Variants in TMEM107 observed in about 807,000 individuals in gnomAD.
TMEM107 encodes transmembrane protein 107.
In TMEM107, 18 loss-of-function variants were observed where a neutral mutation model predicts 16.8. That is an observed-to-expected ratio of 1.07 (90% CI 0.74 to 1.59). The LOEUF (loss-of-function observed/expected upper bound fraction) is 1.59, where lower values mean the gene tolerates loss of function less well. Among genes scored for constraint, TMEM107 ranks in the 40% most tolerant of loss-of-function variants. The probability of loss-of-function intolerance (pLI) is 0.00; values close to 1 mark genes in which losing one functional copy is unlikely to be tolerated. For missense variants in TMEM107, 152 were observed against 175.4 expected (o/e 0.87, Z 0.75); for synonymous variants, 68 against 71.6 (o/e 0.95, Z 0.25).
In TMEM107 at chr17:8,173,526, A is replaced by T; in HGVS notation, c.*677T>A. ...CGTTAATCACGTTTCATGCATCTCC[A>T]ATCATCATGTTCTAATCTGCCCTCC... On this transcript the variant is annotated 3_prime_UTR_variant, in exon 5 of 5. Transcript: ENST00000437139. The T allele has an allele frequency of 1.3e-6, 1 of 765,428 alleles. No individual in the cohort carries two copies. Among genetic ancestry groups the T allele is most frequent in the Non-Finnish European group, 2.4e-6 (1 of 418,036 alleles). 47.4% of individuals were successfully genotyped at this position (765,428 alleles called of 1,614,324 possible). A position where few individuals can be genotyped will look rare whatever the true frequency, so the allele number is the denominator to read the frequency against.
In TMEM107 at chr17:8,174,084, T is replaced by C. The variant is rs1983924488; in HGVS notation, c.*119A>G. 11 of 799,204 alleles carry C rather than the reference T, an allele frequency of 1.4e-5. No homozygotes were observed. The highest frequency in any genetic ancestry group is 7.2e-5 in the South Asian group (5 of 69,734). The allele number at this position is 799,204 out of a possible 1,614,324, so 49.5% of individuals were successfully genotyped here. ...CAAGACGTAATTATTCCAACACATA[T>C]CCTCCAGCAGAAGCAGTTTCCGAGG... On this transcript the variant is annotated 3_prime_UTR_variant, in exon 5 of 5. Transcript: ENST00000437139.
chr17:8,175,459 C>A, intron 3 of TMEM107: 3 of 593,020 alleles, frequency 5.1e-6, no homozygotes, highest in Admixed American at 3.0e-5. Context: ...TAAAAAGAAA[C>A]GGTGGGGTTT....
chr17:8,173,310 T>G lies in TMEM107; in HGVS notation c.*893A>C, dbSNP rs114256024. The G allele has an allele frequency of 3.7e-6, 2 of 537,710 alleles. No homozygotes were observed. Among genetic ancestry groups the G allele is most frequent in the South Asian group, 2.9e-5 (1 of 34,872 alleles). 33.3% of individuals were successfully genotyped at this position (537,710 alleles called of 1,614,324 possible). ...CACAATTTTCAAGAACAAACAAATT[T>G]AGCAAGACTGCAAAATAGACAAACA... On this transcript the variant is annotated 3_prime_UTR_variant, in exon 5 of 5. Coordinates refer to ENST00000437139, the MANE Select transcript of TMEM107 (RefSeq NM_183065.4).
rs1456799156 is a variant in TMEM107 at position 8,173,279 on chromosome 17, C to A, written c.*924G>T. The A allele has an allele frequency of 3.8e-6, 2 of 526,804 alleles. No homozygotes were observed. Among genetic ancestry groups the A allele is most frequent in the Non-Finnish European group, 3.4e-6 (1 of 294,076 alleles). The allele number at this position is 526,804 out of a possible 1,614,324, so 32.6% of individuals were successfully genotyped here. On this transcript the variant is annotated 3_prime_UTR_variant, in exon 5 of 5. Transcript: ENST00000437139. ...CCTAAATTCCAGAAAGCAACAAAAA[C>A]CAAATCACAATTTTCAAGAACAAAC...
Position 8,173,584 on chromosome 17 carries a change from A to G in TMEM107, c.*619T>C, listed in dbSNP as rs539989837. On this transcript the variant is annotated 3_prime_UTR_variant, in exon 5 of 5. Coordinates refer to ENST00000437139, the MANE Select transcript of TMEM107 (RefSeq NM_183065.4). Reference sequence around the variant, plus strand: ...GAACAGGTAAGGATTATCCCACCTGACGATACAGACAAACAGCCGACATTC... The same window carrying G: ...GAACAGGTAAGGATTATCCCACCTGGCGATACAGACAAACAGCCGACATTC... 5.5e-5 allele frequency: 42 copies of G among 764,300 alleles called. No individual in the cohort carries two copies. Among genetic ancestry groups the G allele is most frequent in the African/African-American group, 8.5e-5 (5 of 59,120 alleles). The allele number at this position is 764,300 out of a possible 1,614,324, so 47.3% of individuals were successfully genotyped here.
At position 8,173,380 on chromosome 17, in the gene TMEM107, G is replaced by C. The variant is rs751884563; in HGVS notation, c.*823C>G. The C allele has an allele frequency of 4.1e-5, 28 of 682,506 alleles. No individual in the cohort carries two copies. Among genetic ancestry groups the C allele is most frequent in the South Asian group, 1.1e-4 (7 of 62,880 alleles). The allele number at this position is 682,506 out of a possible 1,614,324, so 42.3% of individuals were successfully genotyped here. ...ATAGACAAACAGCAAGGTTATCCCAGTCAGAACTTCATAGCTATGTTTGTG... is the reference window on the plus strand; with the variant it reads ...ATAGACAAACAGCAAGGTTATCCCACTCAGAACTTCATAGCTATGTTTGTG... On this transcript the variant is annotated 3_prime_UTR_variant, in exon 5 of 5. Transcript: ENST00000437139.
rs1983897885 is a variant in TMEM107, at chr17:8,173,796, T to C, written c.*407A>G. On this transcript the variant is annotated 3_prime_UTR_variant, in exon 5 of 5. Transcript: ENST00000437139. Reference sequence around the variant, plus strand: ...TTCTTCCCAGAATGCTCCGATCAGTTACGTGCCGGACGTTCTAACTGTACG... The same window carrying C: ...TTCTTCCCAGAATGCTCCGATCAGTCACGTGCCGGACGTTCTAACTGTACG... The C allele has an allele frequency of 1.9e-6, 1 of 534,074 alleles. No homozygotes were observed. Among genetic ancestry groups the C allele is most frequent in the South Asian group, 2.4e-5 (1 of 41,576 alleles). 33.1% of individuals were successfully genotyped at this position (534,074 alleles called of 1,614,324 possible).
In TMEM107 at chr17:8,173,581, C is replaced by T. The variant is rs201266955; in HGVS notation, c.*622G>A. ...GAGGAACAGGTAAGGATTATCCCAC[C>T]TGACGATACAGACAAACAGCCGACA... is the stretch of plus-strand genomic sequence containing the variant. On this transcript the variant is annotated 3_prime_UTR_variant, in exon 5 of 5. Transcript: ENST00000437139. 3.0e-3 allele frequency: 2,288 copies of T among 764,340 alleles called. 15 individuals are homozygous for T. Among genetic ancestry groups the T allele is most frequent in the Non-Finnish European group, 3.1e-3 (1,306 of 417,400 alleles). The allele number at this position is 764,340 out of a possible 1,614,324, so 47.3% of individuals were successfully genotyped here.
In TMEM107 at chr17:8,173,976, C is replaced by A; in HGVS notation, c.*227G>T. ...GTAGTTCAGCCATCTCAATTGTCCC[C>A]TAAAACTGTATATAAGTCTTAATGT... On this transcript the variant is annotated 3_prime_UTR_variant, in exon 5 of 5. Transcript: ENST00000437139. The A allele has an allele frequency of 1.8e-6, 1 of 548,218 alleles. No homozygotes were observed. Among genetic ancestry groups the A allele is most frequent in the East Asian group, 3.0e-5 (1 of 33,010 alleles). 34.0% of individuals were successfully genotyped at this position (548,218 alleles called of 1,614,324 possible).
chr17:8,173,487 T>G lies in TMEM107; in HGVS notation c.*716A>C, dbSNP rs199918636. On this transcript the variant is annotated 3_prime_UTR_variant, in exon 5 of 5. Transcript: ENST00000437139. Reference sequence around the variant, plus strand: ...GGAGCAATCAGGGTGTTGCAAGTCCTGATTACGCAGAGACGTTAATCACGT... The same window carrying G: ...GGAGCAATCAGGGTGTTGCAAGTCCGGATTACGCAGAGACGTTAATCACGT... The G allele has an allele frequency of 3.9e-6, 3 of 765,096 alleles. No individual in the cohort carries two copies. Among genetic ancestry groups the G allele is most frequent in the Admixed American group, 1.7e-5 (1 of 58,994 alleles). 47.4% of individuals were successfully genotyped at this position (765,096 alleles called of 1,614,324 possible). A position where few individuals can be genotyped will look rare whatever the true frequency, so the allele number is the denominator to read the frequency against.
rs201784335 is a variant in TMEM107 at position 8,173,480 on chromosome 17, C to G, written c.*723G>C. ...TCAGACAGGAGCAATCAGGGTGTTGCAAGTCCTGATTACGCAGAGACGTTA... is the reference window on the plus strand; with the variant it reads ...TCAGACAGGAGCAATCAGGGTGTTGGAAGTCCTGATTACGCAGAGACGTTA... On this transcript the variant is annotated 3_prime_UTR_variant, in exon 5 of 5. Transcript: ENST00000437139. 3.9e-5 allele frequency: 30 copies of G among 764,744 alleles called. No individual in the cohort carries two copies. The highest frequency in any genetic ancestry group is 6.5e-5 in the Non-Finnish European group (27 of 417,996). The allele number at this position is 764,744 out of a possible 1,614,324, so 47.4% of individuals were successfully genotyped here.
chr17:8,172,492 T>C lies in TMEM107; in HGVS notation c.*1711A>G, dbSNP rs1983614168. ...GTAAGAAGGAACAACCAGAACAGTATAATAGTAGGCAAACCAGGTGAACCA... is the reference window on the plus strand; with the variant it reads ...GTAAGAAGGAACAACCAGAACAGTACAATAGTAGGCAAACCAGGTGAACCA... On this transcript the variant is annotated 3_prime_UTR_variant, in exon 5 of 5. Coordinates refer to ENST00000437139, the MANE Select transcript of TMEM107 (RefSeq NM_183065.4). Among the ~76,000 whole-genome samples, 1 of 151,642 alleles carries C rather than the reference T, an allele frequency of 6.6e-6. No individual in the cohort carries two copies. The highest frequency in any genetic ancestry group is 1.5e-5 in the Non-Finnish European group (1 of 67,954).
Position 8,173,505 on chromosome 17 carries a change from A to T in TMEM107, c.*698T>A. ...CAAGTCCTGATTACGCAGAGACGTT[A>T]ATCACGTTTCATGCATCTCCAATCA... On this transcript the variant is annotated 3_prime_UTR_variant, in exon 5 of 5. Transcript: ENST00000437139. 1 of 765,304 alleles carries T rather than the reference A, an allele frequency of 1.3e-6. No individual in the cohort carries two copies. The highest frequency in any genetic ancestry group is 2.4e-6 in the Non-Finnish European group (1 of 418,016). 47.4% of individuals were successfully genotyped at this position (765,304 alleles called of 1,614,324 possible).
In TMEM107 at chr17:8,172,640, C is replaced by A. The variant is rs1299882838; in HGVS notation, c.*1563G>T. Among the ~76,000 whole-genome samples the A allele has an allele frequency of 6.6e-6, 1 of 151,776 alleles. No homozygotes were observed. Among genetic ancestry groups the A allele is most frequent in the African/African-American group, 2.4e-5 (1 of 41,330 alleles). On this transcript the variant is annotated 3_prime_UTR_variant, in exon 5 of 5. Coordinates refer to ENST00000437139, the MANE Select transcript of TMEM107 (RefSeq NM_183065.4). ...CCTAGTGGGGAGGACGGCTTGAGCC[C>A]AGGAGTTTGGGACCAGCTTGGGCAA...
At position 8,173,289 on chromosome 17, in the gene TMEM107, A is replaced by C. The variant is rs943061580; in HGVS notation, c.*914T>G. 49 of 536,288 alleles carry C rather than the reference A, an allele frequency of 9.1e-5. No individual in the cohort carries two copies. The highest frequency in any genetic ancestry group is 1.3e-4 in the South Asian group (5 of 37,370). 33.2% of individuals were successfully genotyped at this position (536,288 alleles called of 1,614,324 possible). ...AGAAAGCAACAAAAACCAAATCACAATTTTCAAGAACAAACAAATTTAGCA... is the reference window on the plus strand; with the variant it reads ...AGAAAGCAACAAAAACCAAATCACACTTTTCAAGAACAAACAAATTTAGCA... On this transcript the variant is annotated 3_prime_UTR_variant, in exon 5 of 5. Transcript: ENST00000437139.
At position 8,174,078 on chromosome 17, in the gene TMEM107, C is replaced by T. The variant is rs1159680974; in HGVS notation, c.*125G>A. ...CAGACTCAAGACGTAATTATTCCAA[C>T]ACATATCCTCCAGCAGAAGCAGTTT... is the stretch of plus-strand genomic sequence containing the variant. On this transcript the variant is annotated 3_prime_UTR_variant, in exon 5 of 5. Coordinates refer to ENST00000437139, the MANE Select transcript of TMEM107 (RefSeq NM_183065.4). 2.9e-5 allele frequency: 22 copies of T among 771,540 alleles called. No individual in the cohort carries two copies. In the Admixed American group the frequency reaches 4.6e-4, roughly 16 times the overall value. 47.8% of individuals were successfully genotyped at this position (771,540 alleles called of 1,614,324 possible).
Position 8,172,872 on chromosome 17 carries a change from A to C in TMEM107, c.*1331T>G, listed in dbSNP as rs938588204. Among the ~76,000 whole-genome samples the C allele has an allele frequency of 1.5e-3, 225 of 148,936 alleles. 3 individuals carry two copies. Among genetic ancestry groups the C allele is most frequent in the African/African-American group, 5.2e-3 (209 of 40,482 alleles). ...GACTGTCTCAAAAAAAAAAAAAAAA[A>C]AAACCAAAAGAGGGGGGTGGTCAAC... On this transcript the variant is annotated 3_prime_UTR_variant, in exon 5 of 5. Coordinates refer to ENST00000437139, the MANE Select transcript of TMEM107 (RefSeq NM_183065.4).
Position 8,173,384 on chromosome 17 carries a change from G to T in TMEM107, c.*819C>A. 2 of 687,172 alleles carry T rather than the reference G, an allele frequency of 2.9e-6. No individual in the cohort carries two copies. Among genetic ancestry groups the T allele is most frequent in the Admixed American group, 1.9e-5 (1 of 53,192 alleles). 42.6% of individuals were successfully genotyped at this position (687,172 alleles called of 1,614,324 possible). On this transcript the variant is annotated 3_prime_UTR_variant, in exon 5 of 5. Transcript: ENST00000437139. Reference sequence around the variant, plus strand: ...ACAAACAGCAAGGTTATCCCAGTCAGAACTTCATAGCTATGTTTGTGGATA... The same window carrying T: ...ACAAACAGCAAGGTTATCCCAGTCATAACTTCATAGCTATGTTTGTGGATA...
chr17:8,173,468 A>C lies in TMEM107; in HGVS notation c.*735T>G, dbSNP rs374956426. ...CGTCAGAAAGAATCAGACAGGAGCAATCAGGGTGTTGCAAGTCCTGATTAC... is the reference window on the plus strand; with the variant it reads ...CGTCAGAAAGAATCAGACAGGAGCACTCAGGGTGTTGCAAGTCCTGATTAC... On this transcript the variant is annotated 3_prime_UTR_variant, in exon 5 of 5. Coordinates refer to ENST00000437139, the MANE Select transcript of TMEM107 (RefSeq NM_183065.4). 6.5e-6 allele frequency: 5 copies of C among 764,456 alleles called. No individual in the cohort carries two copies. Among genetic ancestry groups the C allele is most frequent in the Admixed American group, 1.7e-5 (1 of 58,972 alleles). The allele number at this position is 764,456 out of a possible 1,614,324, so 47.4% of individuals were successfully genotyped here.
Sources: gnomAD v4.1 joint callset for allele counts (sites outside exome capture counted in the v4.1 genomes callset) on GRCh38, gnomAD v4.1.1 for gene constraint, MANE v1.5 for transcripts, NCBI Gene and HGNC (gene_info 2026-07-23, HGNC 2026-07-21) for gene names.